Variants in NUDT3 observed in about 807,000 individuals in gnomAD.
NUDT3 encodes nudix hydrolase 3.
Under a neutral mutation model 23.6 loss-of-function variants are expected in NUDT3, and 9 were observed. That is an observed-to-expected ratio of 0.38 (90% CI 0.23 to 0.66). NUDT3 has a LOEUF of 0.66. NUDT3 is among the 30% of genes least tolerant of loss of function. The pLI, the probability that NUDT3 is intolerant of heterozygous loss-of-function variation, is 0.52. For synonymous variants in NUDT3, 86 were observed against 82.6 expected (o/e 1.04, Z -0.22); for missense variants, 172 against 218.5 (o/e 0.79, Z 1.34).
chr6:34,308,558 A>G (rs1763720538), intron 2 of NUDT3, among the ~76,000 whole-genome samples: 1 of 152,164 alleles, frequency 6.6e-6, no homozygotes, highest in African/African-American at 2.4e-5. Context: ...AACCACTTTA[A>G]GTATAAAAAC....
intron 1 of NUDT3, among the ~76,000 whole-genome samples, chr6:34,346,185 AT>A (rs1457031908): frequency 6.6e-6 from 1 of 152,170 alleles, no homozygotes; most frequent in Admixed American, 6.5e-5. Context: ...AAATATAAGC[AT>A]GTAAGTTAAT....
chr6:34,305,852 T>C (rs1490274058), intron 2 of NUDT3, among the ~76,000 whole-genome samples: 1 of 152,244 alleles, frequency 6.6e-6, no homozygotes, highest in Non-Finnish European at 1.5e-5. Context: ...GTTGTTGGTT[T>C]CTAATTCTAC....
chr6:34,290,896 G>T (rs1475149445), intron 4 of NUDT3, among the ~76,000 whole-genome samples: 1 of 151,282 alleles, frequency 6.6e-6, no homozygotes, highest in Non-Finnish European at 1.5e-5. Flanking sequence ...CCAGGCTCAA[G>T]CAATTCTCAT....
intron 1 of NUDT3, among the ~76,000 whole-genome samples, chr6:34,378,776 G>A (rs1005891606): frequency 6.6e-6 from 1 of 152,146 alleles, no homozygotes; most frequent in Non-Finnish European, 1.5e-5. Flanking sequence ...GTGGAGGATG[G>A]GTCCCTCCCT....
intron 1 of NUDT3, among the ~76,000 whole-genome samples, chr6:34,364,511 A>AAACAAC (rs552823860): frequency 6.6e-6 from 1 of 152,104 alleles, no homozygotes; most frequent in Non-Finnish European, 1.5e-5. Context: ...TAGGATATTA[A>AAACAAC]AACAACAACA....
At chr6:34,359,781 A>T (rs987320582) in intron 1 of NUDT3, among the ~76,000 whole-genome samples, 2 of 152,172 alleles carry the variant, frequency 1.3e-5, no homozygotes, top group Non-Finnish European at 2.9e-5. Flanking sequence ...TTAAGTACAT[A>T]CCTAAAAATG....
At chr6:34,315,684 A>G (rs1224459455) in intron 2 of NUDT3, among the ~76,000 whole-genome samples, 1 of 152,208 alleles carries the variant, frequency 6.6e-6, no homozygotes, top group African/African-American at 2.4e-5. Context: ...TGTGTGACCA[A>G]AAGTATAGAT....
Position 34,350,098 on chromosome 6 carries a change from GAAA to G in NUDT3, c.100-8129_100-8127del, listed in dbSNP as rs1218407737. On this transcript the variant is annotated intron_variant, in intron 1 of 4. Transcript: ENST00000607016. ...AGCGAAACTCCGTCTCAAAAAAAAA[GAAA>G]AAAAAGAAAAGAAATTAGATTATCT... is the stretch of plus-strand genomic sequence containing the variant. 3.5e-4 allele frequency among the ~76,000 whole-genome samples: 53 copies of G among 149,498 alleles called. 2 individuals are homozygous for G. The highest frequency in any genetic ancestry group is 2.5e-3 in the East Asian group (13 of 5,158).
intron 1 of NUDT3, among the ~76,000 whole-genome samples, chr6:34,379,405 CA>C (rs1336684464): frequency 5.9e-5 from 9 of 151,344 alleles, no homozygotes; most frequent in African/African-American, 2.2e-4. Flanking sequence ...ACTAAAAATA[CA>C]AAAATTAGCT....
At chr6:34,308,319 T>C (rs1327797706) in intron 2 of NUDT3, among the ~76,000 whole-genome samples, 1 of 151,540 alleles carries the variant, frequency 6.6e-6, no homozygotes, top group Non-Finnish European at 1.5e-5. Flanking sequence ...TAGCTAGGCA[T>C]AGTGGTGTGT....
At position 34,349,828 on chromosome 6, in the gene NUDT3, C is replaced by A. The variant is rs148707433; in HGVS notation, c.100-7856G>T. On this transcript the variant is annotated intron_variant, in intron 1 of 4. Transcript: ENST00000607016. ...TATCTAGGCCAGGCACGGTGGCTCA[C>A]GCCTGTAATCCCAGCACTTTGGGAG... 4.6e-3 allele frequency among the ~76,000 whole-genome samples: 699 copies of A among 150,758 alleles called. 56 individuals are homozygous for A. Among genetic ancestry groups the A allele is most frequent in the African/African-American group, 0.016 (665 of 40,554 alleles).
Position 34,281,107 on chromosome 6 carries a change from TC to T in NUDT3, c.*7645del, listed in dbSNP as rs1763274218. 1 of 152,172 alleles carries T rather than the reference TC, an allele frequency of 6.6e-6. No individual in the cohort carries two copies. The highest frequency in any genetic ancestry group is 2.4e-5 in the African/African-American group (1 of 41,432). 9.4% of individuals were successfully genotyped at this position (152,172 alleles called of 1,614,324 possible). A position where few individuals can be genotyped will look rare whatever the true frequency, so the allele number is the denominator to read the frequency against. The stretch of plus-strand genomic sequence containing the variant: ...TTCATCTCTTTTATAAGTAGAATGG[TC>T]CCAGGGATGTTAACCTTTCTGATGC... On this transcript the variant is annotated 3_prime_UTR_variant, in exon 5 of 5. Coordinates refer to ENST00000607016, the MANE Select transcript of NUDT3 (RefSeq NM_006703.4).
chr6:34,389,427 A>T (rs1348096591), intron 1 of NUDT3, among the ~76,000 whole-genome samples: 1 of 152,144 alleles, frequency 6.6e-6, no homozygotes, highest in African/African-American at 2.4e-5. Flanking sequence ...CTCTTTCTTT[A>T]TAAATTACTC....
At chr6:34,344,222 TCAAACAGACA>T (rs1764330508) in intron 1 of NUDT3, among the ~76,000 whole-genome samples, 1 of 152,124 alleles carries the variant, frequency 6.6e-6, no homozygotes, top group Non-Finnish European at 1.5e-5. Flanking sequence ...AAACAGGTAC[TCAAACAGACA>T]CTTCCATACA....
At chr6:34,289,521 C>T (rs1031745683) in intron 4 of NUDT3, among the ~76,000 whole-genome samples, 6 of 152,144 alleles carry the variant, frequency 3.9e-5, no homozygotes, top group African/African-American at 1.4e-4. Flanking sequence ...GAGCTGTCAT[C>T]GCGCCACTGC....
At chr6:34,299,367 ATTCTTTCACCCTT>A (rs1490526597) in intron 2 of NUDT3, among the ~76,000 whole-genome samples, 2 of 152,110 alleles carry the variant, frequency 1.3e-5, no homozygotes, top group African/African-American at 2.4e-5. Flanking sequence ...AGTAGAGATA[ATTCTTTCACCCTT>A]TTCTAGTACT....
intron 1 of NUDT3, among the ~76,000 whole-genome samples, chr6:34,386,800 T>C (rs1055675461): frequency 2.6e-5 from 4 of 152,164 alleles, no homozygotes; most frequent in Non-Finnish European, 5.9e-5. Flanking sequence ...CAATCAAACC[T>C]ACTGTGCTGC....
chr6:34,356,849 C>T (rs985096121), intron 1 of NUDT3, among the ~76,000 whole-genome samples: 1 of 152,120 alleles, frequency 6.6e-6, no homozygotes, highest in African/African-American at 2.4e-5. Flanking sequence ...GCAATCTTGG[C>T]TCACTGCAAG....
At chr6:34,379,556 T>C (rs1764979312) in intron 1 of NUDT3, among the ~76,000 whole-genome samples, 1 of 150,760 alleles carries the variant, frequency 6.6e-6, no homozygotes, top group Non-Finnish European at 1.5e-5. Flanking sequence ...AGAGACTCCA[T>C]CTCAAAAAAA....
Sources: gnomAD v4.1 joint callset for allele counts (sites outside exome capture counted in the v4.1 genomes callset) on GRCh38, gnomAD v4.1.1 for gene constraint, MANE v1.5 for transcripts, NCBI Gene and HGNC (gene_info 2026-07-23, HGNC 2026-07-21) for gene names.